SVIL: variants seen among roughly 807,000 people sequenced by gnomAD.
SVIL encodes the protein archvillin.
SVIL carries 101 observed loss-of-function variants against 240.4 expected under a neutral mutation model. The observed-to-expected ratio is 0.42, with a 90% CI of 0.36 to 0.50. The LOEUF (loss-of-function observed/expected upper bound fraction) is 0.50. Ranked by LOEUF, SVIL falls within the 20% of genes least tolerant of loss-of-function variation. The probability of loss-of-function intolerance (pLI) is 0.01; values close to 1 mark genes in which losing one functional copy is unlikely to be tolerated. For synonymous variants in SVIL, 999 were observed against 1,100.0 expected (o/e 0.91, Z 1.82); for missense variants, 2,512 against 2,818.7 (o/e 0.89, Z 2.46).
intron 16 of SVIL, 82 bp downstream of exon 16, chr10:29,522,328 C>T (rs1950609934): frequency 1.6e-6 from 2 of 1,277,126 alleles, no homozygotes; most frequent in African/African-American, 1.5e-5. Context: ...CATCTCTTTG[C>T]CCATCACCGA....
At chr10:29,467,639 G>A in intron 33 of SVIL, 103 bp downstream of exon 33, 1 of 1,459,862 alleles carries the variant, frequency 6.8e-7, no homozygotes, top group African/African-American at 1.4e-5. Flanking sequence ...GCTGCAGTGA[G>A]CTGTGATCAT....
rs1945097906 is a variant in SVIL at position 29,467,813 on chromosome 10, C to G, written c.5906G>C (p.Gly1969Ala). The G allele has an allele frequency of 2.5e-6, 4 of 1,614,038 alleles. No homozygotes were observed. Among genetic ancestry groups the G allele is most frequent in the Non-Finnish European group, 3.4e-6 (4 of 1,180,014 alleles). Reference protein sequence around the residue: ...SKVTIHECDEGSEPLGFWDAL... With the variant: ...SKVTIHECDEASEPLGFWDAL... ...ATCCCAGAATCCGAGTGGCTCGGAG[C>G]CTTCATCACACTCGTGTATTGTGAC... The change falls in exon 33 of 38, where the codon GGC becomes GCC. Residue 1969 changes from glycine to alanine, a missense_variant. By Grantham distance (60) the Gly-to-Ala change is moderately conservative. Coordinates refer to ENST00000355867, the MANE Select transcript of SVIL (RefSeq NM_021738.3).
At chr10:29,573,759 T>A (rs915110753) in intron 1 of SVIL, among the ~76,000 whole-genome samples, 5 of 151,846 alleles carry the variant, frequency 3.3e-5, no homozygotes, top group African/African-American at 1.2e-4. Context: ...CAATGGCATG[T>A]CTCTTGGGTC....
intron 1 of SVIL, among the ~76,000 whole-genome samples, chr10:29,592,659 A>G (rs1299044386): frequency 1.3e-5 from 2 of 152,210 alleles, no homozygotes; most frequent in Non-Finnish European, 2.9e-5. Flanking sequence ...TTAACAGTAA[A>G]GTAAGCATAA....
At chr10:29,536,165 A>G (rs904245460) in intron 6 of SVIL, 96 bp from the exon 7 acceptor site, 65 of 1,134,614 alleles carry the variant, frequency 5.7e-5, no homozygotes, top group Non-Finnish European at 8.1e-5. Context: ...GCTGATTTTT[A>G]TTAAGAATAA....
At chr10:29,553,354 G>A (rs1416411585) in intron 5 of SVIL, among the ~76,000 whole-genome samples, 1 of 152,052 alleles carries the variant, frequency 6.6e-6, no homozygotes, top group African/African-American at 2.4e-5. Context: ...CGAGGCAGGC[G>A]GATCACCTGA....
intron 1 of SVIL, among the ~76,000 whole-genome samples, chr10:29,688,435 G>C (rs779259805): frequency 1.3e-5 from 2 of 152,310 alleles, no homozygotes; most frequent in South Asian, 4.1e-4. Context: ...TTTCTGCCTC[G>C]TTCCCTGCTT....
At chr10:29,681,981 G>A (rs1220103066) in intron 2 of SVIL, among the ~76,000 whole-genome samples, 2 of 152,138 alleles carry the variant, frequency 1.3e-5, no homozygotes, top group African/African-American at 4.8e-5. Context: ...GGAAGGCTCT[G>A]TTGTGACACC....
intron 3 of SVIL, among the ~76,000 whole-genome samples, chr10:29,644,714 A>T (rs1055760604): frequency 2.6e-5 from 4 of 152,128 alleles, no homozygotes; most frequent in Non-Finnish European, 2.9e-5. Flanking sequence ...AACCAGAAAC[A>T]CTATGTGTTG....
intron 29 of SVIL, among the ~76,000 whole-genome samples, chr10:29,476,407 CTT>C (rs1004367002): frequency 6.6e-6 from 1 of 152,144 alleles, no homozygotes. Context: ...AATTGTGTCT[CTT>C]TTTTAAATTA....
chr10:29,689,015 T>C (rs1320849325), intron 1 of SVIL, among the ~76,000 whole-genome samples: 1 of 152,160 alleles, frequency 6.6e-6, no homozygotes, highest in South Asian at 2.1e-4. Flanking sequence ...AAAAGGCACA[T>C]ATATATACAG....
chr10:29,496,891 A>C (rs1564519137), intron 18 of SVIL, among the ~76,000 whole-genome samples: 2 of 152,236 alleles, frequency 1.3e-5, no homozygotes, highest in South Asian at 2.1e-4. Flanking sequence ...CCTGGGCTAG[A>C]AGCTGGAAAA....
At chr10:29,671,736 C>G (rs1323996606) in intron 2 of SVIL, among the ~76,000 whole-genome samples, 1 of 152,182 alleles carries the variant, frequency 6.6e-6, no homozygotes, top group African/African-American at 2.4e-5. Flanking sequence ...CATCTCTATT[C>G]CTATTTTTTT....
chr10:29,732,131 C>T (rs1056676489), intron 1 of SVIL, among the ~76,000 whole-genome samples: 1 of 152,210 alleles, frequency 6.6e-6, no homozygotes, highest in African/African-American at 2.4e-5. Context: ...GCACGCAGCT[C>T]ATTTTCCAGT....
At chr10:29,468,059 C>G (rs1202344708) in intron 32 of SVIL, among the ~76,000 whole-genome samples, 184 bp from the exon 33 acceptor site, 1 of 152,164 alleles carries the variant, frequency 6.6e-6, no homozygotes, top group Non-Finnish European at 1.5e-5. Flanking sequence ...CAACTGTCAT[C>G]ACTAATTTCA....
chr10:29,491,693 C>T (rs114317028), intron 21 of SVIL, among the ~76,000 whole-genome samples: 4,830 of 152,242 alleles, frequency 0.032, 235 homozygotes, highest in African/African-American at 0.11. Context: ...GATCTCCCAA[C>T]AGACTCCTGC....
chr10:29,680,594 A>C (rs1190559146), intron 2 of SVIL, among the ~76,000 whole-genome samples: 2 of 152,220 alleles, frequency 1.3e-5, no homozygotes, highest in Non-Finnish European at 2.9e-5. Flanking sequence ...CATGCATTTA[A>C]GAAGGGTGAT....
intron 16 of SVIL, among the ~76,000 whole-genome samples, chr10:29,520,655 C>T (rs1950499848): frequency 6.6e-6 from 1 of 152,080 alleles, no homozygotes; most frequent in African/African-American, 2.4e-5. Context: ...TGTCTGTAAT[C>T]CCCGCACTTT....
intron 1 of SVIL, among the ~76,000 whole-genome samples, chr10:29,694,369 C>A (rs1370191705): frequency 6.6e-6 from 1 of 151,988 alleles, no homozygotes. Context: ...CCACTGCACT[C>A]CAACCTGGAT....
Sources: allele counts gnomAD v4.1 joint callset (sites outside exome capture counted in the v4.1 genomes callset), GRCh38; gene constraint gnomAD v4.1.1; transcripts MANE v1.5; gene names NCBI Gene and HGNC (gene_info 2026-07-23, HGNC 2026-07-21).